Variants in MDGA1 observed in about 807,000 individuals in gnomAD.
The protein encoded by MDGA1 is MAM domain-containing glycosylphosphatidylinositol anchor protein 1.
In MDGA1, 54 loss-of-function variants were observed where a neutral mutation model predicts 101.5. The ratio of observed to expected loss-of-function variants is 0.53; its 90% CI spans 0.43 to 0.67. The LOEUF (loss-of-function observed/expected upper bound fraction) is 0.67, where lower values mean the gene tolerates loss of function less well. Ranked by LOEUF, MDGA1 falls within the 30% of genes least tolerant of loss-of-function variation. The pLI is 0.00. For synonymous variants in MDGA1, 533 were observed against 558.3 expected (o/e 0.95, Z 0.64); for missense variants, 1,083 against 1,323.8 (o/e 0.82, Z 2.82).
intron 10 of MDGA1, 65 bp downstream of exon 10, chr6:37,647,108 G>C: frequency 2.1e-6 from 3 of 1,444,524 alleles, no homozygotes; most frequent in Non-Finnish European, 2.9e-6. Context: ...GCCTTGATGA[G>C]CATTTCCAGG....
At chr6:37,641,467 T>A (rs1046139016) in intron 14 of MDGA1, among the ~76,000 whole-genome samples, 5 of 152,160 alleles carry the variant, frequency 3.3e-5, no homozygotes, top group Admixed American at 3.3e-4. Flanking sequence ...GAATTCCAGG[T>A]CCCTATGGCT....
intron 2 of MDGA1, among the ~76,000 whole-genome samples, chr6:37,659,333 T>C (rs1761570084): frequency 6.6e-6 from 1 of 152,234 alleles, no homozygotes; most frequent in African/African-American, 2.4e-5. Context: ...ATGATACCCA[T>C]TCTGCAAGAT....
chr6:37,676,153 AG>A (rs138512169), intron 1 of MDGA1, among the ~76,000 whole-genome samples: 163 of 152,336 alleles, frequency 1.1e-3, no homozygotes, highest in African/African-American at 3.7e-3. Flanking sequence ...TGCTCTGAGA[AG>A]GTCCTCCTGT....
At chr6:37,657,816 T>C (rs148001710) in intron 3 of MDGA1, among the ~76,000 whole-genome samples, 3 of 152,028 alleles carry the variant, frequency 2.0e-5, no homozygotes, top group African/African-American at 4.8e-5. Flanking sequence ...CTATATGTAA[T>C]GTAGTAAGGA....
At chr6:37,674,146 C>T (rs1232812583) in intron 1 of MDGA1, among the ~76,000 whole-genome samples, 1 of 152,176 alleles carries the variant, frequency 6.6e-6, no homozygotes, top group African/African-American at 2.4e-5. Context: ...GCCTGTTCCC[C>T]GACACAGGGC....
At position 37,632,396 on chromosome 6, in the gene MDGA1, C is replaced by T. The variant is rs75289615; in HGVS notation, c.*4972G>A. 547 of 152,648 alleles carry T rather than the reference C, an allele frequency of 3.6e-3. 4 individuals carry two copies. Among genetic ancestry groups the T allele is most frequent in the African/African-American group, 0.013 (525 of 41,554 alleles). The allele number at this position is 152,648 out of a possible 1,614,324, so 9.5% of individuals were successfully genotyped here. A position where few individuals can be genotyped will look rare whatever the true frequency, so the allele number is the denominator to read the frequency against. ...ACTGTCCAGGCCACAGAGCAGGATC[C>T]CTGTCGACAGGTGCCAAAGAGAAGA... On this transcript the variant is annotated 3_prime_UTR_variant, in exon 17 of 17. Transcript: ENST00000434837.
At chr6:37,663,094 T>C (rs1883899) in intron 2 of MDGA1, among the ~76,000 whole-genome samples, 90,551 of 152,024 alleles carry the variant, frequency 0.6, 28,328 homozygotes, top group East Asian at 0.85. Flanking sequence ...TTTCATTGTC[T>C]TTTCTAGGAT....
Position 37,635,356 on chromosome 6 carries a change from G to C in MDGA1, c.*2012C>G. 2.5e-6 allele frequency: 1 copy of C among 397,968 alleles called. No individual in the cohort carries two copies. Among genetic ancestry groups the C allele is most frequent in the Non-Finnish European group, 4.4e-6 (1 of 226,132 alleles). 24.7% of individuals were successfully genotyped at this position (397,968 alleles called of 1,614,324 possible). ...GGGGGACTTGGAAGGCTCAGAGGAG[G>C]AGCTCACAGTCTAGTTGGGGCAATG... On this transcript the variant is annotated 3_prime_UTR_variant, in exon 17 of 17. Transcript: ENST00000434837.
At chr6:37,691,836 C>T (rs1329004818) in intron 1 of MDGA1, among the ~76,000 whole-genome samples, 3 of 152,198 alleles carry the variant, frequency 2.0e-5, no homozygotes, top group Non-Finnish European at 2.9e-5. Context: ...AGGGGCCATG[C>T]GCCAGGTTTA....
chr6:37,649,368 C>T, intron 8 of MDGA1, 102 bp from the exon 9 acceptor site: 1 of 1,387,984 alleles, frequency 7.2e-7, no homozygotes, highest in Middle Eastern at 2.7e-4. Flanking sequence ...GCCGTGAGCC[C>T]CCGCCAGGAA....
chr6:37,654,145 C>A (rs1458133187), intron 6 of MDGA1, 129 bp downstream of exon 6: 2 of 1,058,678 alleles, frequency 1.9e-6, no homozygotes, highest in Non-Finnish European at 2.6e-6. Context: ...GGGCGTGGAA[C>A]ATCCTCTGCA....
chr6:37,658,228 A>AG lies in MDGA1; in HGVS notation c.382+16dup. ...CTGGGCTGTCAGGGCCCGGGGAGAG[A>AG]GGGGGCCTCAACTCACACTGCACGT... is the stretch of plus-strand genomic sequence containing the variant. On this transcript the variant is annotated intron_variant, in intron 3 of 16. Coordinates refer to ENST00000434837, the MANE Select transcript of MDGA1 (RefSeq NM_153487.4). The AG allele has an allele frequency of 6.4e-7, 1 of 1,556,484 alleles. No homozygotes were observed. Among genetic ancestry groups the AG allele is most frequent in the Non-Finnish European group, 8.7e-7 (1 of 1,149,328 alleles).
intron 14 of MDGA1, among the ~76,000 whole-genome samples, chr6:37,642,415 G>A (rs804832): frequency 0.11 from 16,254 of 151,766 alleles, 1,824 homozygotes; most frequent in African/African-American, 0.29. Context: ...CAGGTGTCCC[G>A]CCCGCCTCGG....
In MDGA1 at chr6:37,631,809, T is replaced by C. The variant is rs987200935; in HGVS notation, c.*5559A>G. The C allele has an allele frequency of 3.3e-5, 5 of 152,354 alleles. No homozygotes were observed. The South Asian group carries it at 1.0e-3, about 32-fold the overall frequency. 9.4% of individuals were successfully genotyped at this position (152,354 alleles called of 1,614,324 possible). A position where few individuals can be genotyped will look rare whatever the true frequency, so the allele number is the denominator to read the frequency against. ...GCATAACTTGATCTTAGGGCAAGGA[T>C]GCAGCTAGCTGGTGGTGAATAAGGG... On this transcript the variant is annotated 3_prime_UTR_variant, in exon 17 of 17. Coordinates refer to ENST00000434837, the MANE Select transcript of MDGA1 (RefSeq NM_153487.4).
chr6:37,670,433 GC>G (rs1761843491), intron 1 of MDGA1, among the ~76,000 whole-genome samples: 2 of 152,230 alleles, frequency 1.3e-5, no homozygotes, highest in Non-Finnish European at 2.9e-5. Flanking sequence ...AAGGGCTGGA[GC>G]CCTTCCCCGA....
At chr6:37,676,954 G>A (rs551805615) in intron 1 of MDGA1, among the ~76,000 whole-genome samples, 1 of 150,672 alleles carries the variant, frequency 6.6e-6, no homozygotes, top group Non-Finnish European at 1.5e-5. Context: ...ACTAGTTAGA[G>A]GCTCCACTCC....
intron 13 of MDGA1, among the ~76,000 whole-genome samples, chr6:37,644,174 C>T (rs1007502202): frequency 2.7e-5 from 4 of 150,056 alleles, no homozygotes; most frequent in Non-Finnish European, 5.9e-5. Flanking sequence ...TCACCCCACG[C>T]ATCCTGCCTC....
intron 16 of MDGA1, chr6:37,637,967 GT>G (rs1763968471): frequency 6.9e-6 from 4 of 580,942 alleles, no homozygotes; most frequent in Non-Finnish European, 9.2e-6. Context: ...CTCTGATACC[GT>G]GAACAGGTCA....
At chr6:37,669,032 G>A (rs562198089) in intron 1 of MDGA1, among the ~76,000 whole-genome samples, 2 of 152,232 alleles carry the variant, frequency 1.3e-5, no homozygotes, top group South Asian at 4.2e-4. Context: ...ATTTTTAGTA[G>A]AGACGGGTTT....
Sources: gnomAD v4.1 joint callset for allele counts (sites outside exome capture counted in the v4.1 genomes callset) on GRCh38, gnomAD v4.1.1 for gene constraint, MANE v1.5 for transcripts, NCBI Gene and HGNC (gene_info 2026-07-23, HGNC 2026-07-21) for gene names.